The following DSN1 variants were observed in gnomAD, a reference collection of about 807,000 sequenced individuals.
DSN1 encodes DSN1 component of MIS12 kinetochore complex.
Under a neutral mutation model 45.7 loss-of-function variants are expected in DSN1, and 31 were observed. The observed-to-expected ratio is 0.68, with a 90% CI of 0.51 to 0.92. DSN1 has a LOEUF of 0.92. Ranked by LOEUF, DSN1 falls within the 40% of genes least tolerant of loss-of-function variation. DSN1 has a pLI of 0.00. For missense variants in DSN1, 394 were observed against 414.2 expected, an observed-to-expected ratio of 0.95 and a Z score of 0.42; for synonymous variants, 134 against 142.3, an observed-to-expected ratio of 0.94 and a Z score of 0.41.
chr20:36,766,266 T>C (rs555922345), intron 5 of DSN1, among the ~76,000 whole-genome samples: 5 of 150,060 alleles, frequency 3.3e-5, no homozygotes, highest in Admixed American at 2.7e-4. Context: ...CTGGTGGCCA[T>C]AGCTACCTTT....
In DSN1 at chr20:36,766,797, G is replaced by A; in HGVS notation, c.474C>T (p.Gly158=). 1 of 1,610,644 alleles carries A rather than the reference G, an allele frequency of 6.2e-7. No homozygotes were observed. Among genetic ancestry groups the A allele is most frequent in the South Asian group, 1.1e-5 (1 of 90,206 alleles). The change falls in exon 5 of 11, where the codon GGC becomes GGT. Residue 158 remains glycine (G), a synonymous_variant. Transcript: ENST00000373750. ...KLEPFLRDTK[G]FSLESFRAKA... ...TGGCTCTAAAACTTTCAAGACTGAA[G>A]CCCTTAGTGTCCCTTAGGAAAGGTT...
chr20:36,758,930 G>A (rs1017947335), intron 6 of DSN1, among the ~76,000 whole-genome samples: 29 of 151,500 alleles, frequency 1.9e-4, no homozygotes, highest in African/African-American at 5.3e-4. Context: ...CAGGTGATCC[G>A]CCCGCCTCAA....
intron 4 of DSN1, 101 bp from the exon 5 acceptor site, chr20:36,766,942 C>G (rs907202962): frequency 5.7e-5 from 40 of 697,380 alleles, no homozygotes; most frequent in African/African-American, 3.8e-5. Context: ...AAACTAAATA[C>G]TAAATATGAT....
rs143517734 is a variant in DSN1, at chr20:36,752,858, C to A, written c.1001G>T (p.Arg334Leu). The change falls in exon 11 of 11, where the codon CGA becomes CTA. Residue 334 changes from arginine to leucine, a missense_variant. Coordinates refer to ENST00000373750, the MANE Select transcript of DSN1 (RefSeq NM_001145315.2). ...SMQQLDPSPA[R>L]KLLKLQLQNP... ...CTGTAGCTGAAGCTTCAACAGTTTTCGAGCTGGTGAGGGATCTAATTGTTG... is the reference window on the plus strand; with the variant it reads ...CTGTAGCTGAAGCTTCAACAGTTTTAGAGCTGGTGAGGGATCTAATTGTTG... 56 of 1,614,152 alleles carry A rather than the reference C, an allele frequency of 3.5e-5. 1 individual carries two copies. The East Asian group carries it at 1.2e-3, about 35-fold the overall frequency.
At chr20:36,758,336 GTTC>G (rs1047232512) in intron 7 of DSN1, among the ~76,000 whole-genome samples, 175 bp from the exon 8 acceptor site, 6 of 152,172 alleles carry the variant, frequency 3.9e-5, no homozygotes, top group African/African-American at 1.4e-4. Flanking sequence ...TCAAACCTGA[GTTC>G]TTCAAGTCAA....
intron 5 of DSN1, 64 bp from the exon 6 acceptor site, chr20:36,762,612 G>A: frequency 2.7e-6 from 4 of 1,463,006 alleles, no homozygotes; most frequent in Non-Finnish European, 3.7e-6. Flanking sequence ...GTGAGATGCT[G>A]ACAAAGGTAT....
At chr20:36,763,198 G>A (rs1430605743) in intron 5 of DSN1, among the ~76,000 whole-genome samples, 2 of 151,784 alleles carry the variant, frequency 1.3e-5, no homozygotes, top group African/African-American at 2.4e-5. Flanking sequence ...GAGGTCAGGA[G>A]TTTGAGACCA....
chr20:36,752,638 T>C lies in DSN1; in HGVS notation c.*150A>G. ...TATTCATTTGGATGTACAAATTCCA[T>C]CACTTTTTGAAAAAAGTCAAAGTGT... On this transcript the variant is annotated 3_prime_UTR_variant, in exon 11 of 11. Coordinates refer to ENST00000373750, the MANE Select transcript of DSN1 (RefSeq NM_001145315.2). 1 of 587,270 alleles carries C rather than the reference T, an allele frequency of 1.7e-6. No homozygotes were observed. Among genetic ancestry groups the C allele is most frequent in the Non-Finnish European group, 3.0e-6 (1 of 331,290 alleles). 36.4% of individuals were successfully genotyped at this position (587,270 alleles called of 1,614,324 possible). A position where few individuals can be genotyped will look rare whatever the true frequency, so the allele number is the denominator to read the frequency against.
rs780208954 is a variant in DSN1 at position 36,752,820 on chromosome 20, T to C, written c.1039A>G (p.Ile347Val). Residue 347 changes from isoleucine (I) to valine (V), a missense_variant, in exon 11 of 11, where the codon ATA (isoleucine) becomes GTA (valine). Ile to Val is a conservative substitution (Grantham distance 29, BLOSUM62 3). Transcript: ENST00000373750. Reference protein sequence around the residue: ...LKLQLQNPPAIHGSGSGSCQ With the variant: ...LKLQLQNPPAVHGSGSGSCQ ...CAAGATCCAGATCCAGATCCATGTA[T>C]GGCAGGTGGGTTCTGTAGCTGAAGC... is the stretch of plus-strand genomic sequence containing the variant. The C allele has an allele frequency of 1.2e-6, 2 of 1,614,112 alleles. No individual in the cohort carries two copies. Among genetic ancestry groups the C allele is most frequent in the East Asian group, 4.5e-5 (2 of 44,892 alleles).
At chr20:36,769,431 T>G (rs1409902334) in intron 3 of DSN1, among the ~76,000 whole-genome samples, 80 of 152,238 alleles carry the variant, frequency 5.3e-4, no homozygotes, top group Admixed American at 5.2e-3. Flanking sequence ...TGTTTAAGTC[T>G]AAATACTCCG....
At chr20:36,766,194 CAAAAAAAAA>C (rs368772931) in intron 5 of DSN1, among the ~76,000 whole-genome samples, 1 of 48,034 alleles carries the variant, frequency 2.1e-5, no homozygotes, top group Non-Finnish European at 4.4e-5. Flanking sequence ...GACTCCATCT[CAAAAAAAAA>C]AAAAAAAAAG....
At chr20:36,754,499 T>C (rs1423901750) in intron 10 of DSN1, among the ~76,000 whole-genome samples, 1 of 152,170 alleles carries the variant, frequency 6.6e-6, no homozygotes, top group Admixed American at 6.6e-5. Flanking sequence ...TGGGTGGGTA[T>C]TTCTTAAGTC....
chr20:36,771,292 G>A, intron 2 of DSN1, 99 bp from the exon 3 acceptor site: 1 of 1,474,876 alleles, frequency 6.8e-7, no homozygotes. Context: ...CTAGATCGTG[G>A]AAACATAAAG....
intron 5 of DSN1, among the ~76,000 whole-genome samples, chr20:36,764,121 T>G (rs952563649): frequency 1.3e-5 from 2 of 151,292 alleles, no homozygotes; most frequent in East Asian, 3.9e-4. Context: ...CTTGGGAGGC[T>G]GAGGAAGGAG....
chr20:36,767,935 A>T, intron 4 of DSN1, 34 bp downstream of exon 4: 1 of 1,605,842 alleles, frequency 6.2e-7, no homozygotes, highest in Non-Finnish European at 8.5e-7. Context: ...CAGTTAACAA[A>T]CACAAAAACA....
At chr20:36,765,861 A>C (rs1987300599) in intron 5 of DSN1, among the ~76,000 whole-genome samples, 1 of 151,320 alleles carries the variant, frequency 6.6e-6, no homozygotes, top group Non-Finnish European at 1.5e-5. Context: ...AAAAAAAAAA[A>C]AACAAAAAAC....
intron 6 of DSN1, 81 bp downstream of exon 6, chr20:36,762,380 G>T: frequency 7.7e-7 from 1 of 1,303,458 alleles, no homozygotes; most frequent in African/African-American, 1.5e-5. Context: ...AAAGTGCTGG[G>T]ATTACAGGCC....
At chr20:36,756,640 A>C (rs1986693119) in intron 8 of DSN1, among the ~76,000 whole-genome samples, 1 of 151,980 alleles carries the variant, frequency 6.6e-6, no homozygotes, top group Non-Finnish European at 1.5e-5. Flanking sequence ...ACAATAACCC[A>C]ATGAGGAAGG....
rs1382281050 is a variant in DSN1, at chr20:36,771,076, T to G, written c.152A>C (p.Glu51Ala). 2 of 1,614,218 alleles carry G rather than the reference T, an allele frequency of 1.2e-6. No individual in the cohort carries two copies. Among genetic ancestry groups the G allele is most frequent in the East Asian group, 2.2e-5 (1 of 44,888 alleles). ...AGGGCTAGAGCCAAGGTGAATTCTT[T>G]CCTCTGAAACGCCTTGATTCATCTC... ...SLEMNQGVSEERIHLGSSPKK... is the reference protein window; with the variant it reads ...SLEMNQGVSEARIHLGSSPKK... Residue 51 changes from glutamate to alanine, a missense_variant, in exon 3 of 11, where the codon GAA becomes GCA. By Grantham distance (107) the Glu-to-Ala change is moderately radical (BLOSUM62 -1). Coordinates refer to ENST00000373750, the MANE Select transcript of DSN1 (RefSeq NM_001145315.2).
Sources: gnomAD v4.1 joint callset for allele counts (sites outside exome capture counted in the v4.1 genomes callset) on GRCh38, gnomAD v4.1.1 for gene constraint, MANE v1.5 for transcripts, NCBI Gene and HGNC (gene_info 2026-07-23, HGNC 2026-07-21) for gene names.